ABCB8: variants seen among roughly 807,000 people sequenced by gnomAD.
The protein encoded by ABCB8 is ATP binding cassette subfamily B member 8, also known as mitochondrial potassium channel ATP-binding subunit.
A neutral mutation model predicts 73.0 loss-of-function variants in ABCB8; 52 were observed. The observed-to-expected ratio is 0.71, with a 90% confidence interval of 0.57 to 0.90. The LOEUF (loss-of-function observed/expected upper bound fraction) is 0.90, where lower values mean the gene tolerates loss of function less well. Among genes scored for constraint, ABCB8 ranks in the 40% least tolerant of loss-of-function variants. ABCB8 has a pLI of 0.00. For missense variants in ABCB8, 909 were observed against 974.6 expected (o/e 0.93, Z 0.90); for synonymous variants, 428 against 423.5 (o/e 1.01, Z -0.13).
chr7:151,043,182 CTGCAGG>C (rs1018020842), intron 14 of ABCB8, among the ~76,000 whole-genome samples: 6 of 152,220 alleles, frequency 3.9e-5, no homozygotes, highest in Non-Finnish European at 5.9e-5. Context: ...TGGCTTGGAA[CTGCAGG>C]CACAGGGCAG....
intron 1 of ABCB8, among the ~76,000 whole-genome samples, chr7:151,030,620 C>A (rs549950403): frequency 6.6e-6 from 1 of 152,238 alleles, no homozygotes; most frequent in South Asian, 2.1e-4. Flanking sequence ...GAGTTCAAGA[C>A]CAGCCCGGCC....
intron 7 of ABCB8, 36 bp downstream of exon 7, chr7:151,036,003 GC>G (rs980423131): frequency 6.2e-7 from 1 of 1,612,920 alleles, no homozygotes; most frequent in African/African-American, 1.3e-5. Context: ...AAGCAGAGAT[GC>G]CCCCCACACC....
chr7:151,041,889 G>A, intron 13 of ABCB8, 72 bp from the exon 14 acceptor site: 1 of 1,548,250 alleles, frequency 6.5e-7, no homozygotes, highest in African/African-American at 1.4e-5. Context: ...CATTGTGTAT[G>A]GTGGCCCCTC....
In ABCB8 at chr7:151,047,309, C is replaced by G. The variant is rs564960194; in HGVS notation, c.*1960C>G. On this transcript the variant is annotated 3_prime_UTR_variant, in exon 16 of 16. Coordinates refer to ENST00000358849, the MANE Select transcript of ABCB8 (RefSeq NM_007188.5). ...GTCTTCCTAACCTCGCCTCGGCCTT[C>G]GCTCCACAGTGGAGAGTGGGAGCCT... The G allele has an allele frequency of 6.6e-6, 1 of 152,260 alleles. No homozygotes were observed. Among genetic ancestry groups the G allele is most frequent in the East Asian group, 1.9e-4 (1 of 5,202 alleles). The allele number at this position is 152,260 out of a possible 1,614,324, so 9.4% of individuals were successfully genotyped here.
chr7:151,044,120 C>A lies in ABCB8; in HGVS notation c.1915C>A (p.Arg639=), dbSNP rs148536036. ...GCGGGTTGTACAGGAGGCCCTGGAC[C>A]GGGCCAGTGCAGGCCGCACGGTGCT... ...SERVVQEALD[R]ASAGRTVLVI... is the part of the protein sequence containing the mutation. The change falls in exon 15 of 16, where the codon CGG becomes AGG. Residue 639 remains arginine (R), a synonymous_variant. Transcript: ENST00000358849. The A allele has an allele frequency of 1.1e-5, 17 of 1,613,810 alleles. No individual in the cohort carries two copies. Among genetic ancestry groups the A allele is most frequent in the Non-Finnish European group, 1.2e-5 (14 of 1,179,976 alleles).
At chr7:151,037,061 C>G (rs899474021) in intron 9 of ABCB8, 6 of 691,876 alleles carry the variant, frequency 8.7e-6, no homozygotes, top group Non-Finnish European at 1.6e-5. Context: ...AGAACTCTTA[C>G]CTGGCAGAGC....
Position 151,028,466 on chromosome 7 carries a change from G to A in ABCB8, c.-50G>A, listed in dbSNP as rs1208108595. On this transcript the variant is annotated 5_prime_UTR_variant, in exon 1 of 16. Coordinates refer to ENST00000358849, the MANE Select transcript of ABCB8 (RefSeq NM_007188.5). Reference sequence around the variant, plus strand: ...GGAGCCAACATAGAGCCCTCAGTGGGATGAGGGTGAAACTGCTATTGCCGG... The same window carrying A: ...GGAGCCAACATAGAGCCCTCAGTGGAATGAGGGTGAAACTGCTATTGCCGG... The A allele has an allele frequency of 2.5e-6, 4 of 1,574,166 alleles. No homozygotes were observed. The highest frequency in any genetic ancestry group is 1.4e-5 in the African/African-American group (1 of 74,060).
At chr7:151,030,266 A>G (rs1249516475) in intron 1 of ABCB8, among the ~76,000 whole-genome samples, 2 of 152,284 alleles carry the variant, frequency 1.3e-5, no homozygotes, top group East Asian at 3.8e-4. Context: ...CTGTAATCCC[A>G]GCACTTTGGG....
intron 5 of ABCB8, 36 bp from the exon 6 acceptor site, chr7:151,035,545 A>C: frequency 6.4e-7 from 1 of 1,554,136 alleles, no homozygotes; most frequent in Non-Finnish European, 8.7e-7. Context: ...CATGGTGCGG[A>C]CGCCGTAGCC....
chr7:151,044,733 A>C (rs1425127788), intron 15 of ABCB8, among the ~76,000 whole-genome samples: 1 of 152,172 alleles, frequency 6.6e-6, no homozygotes, highest in African/African-American at 2.4e-5. Context: ...TCAGAATGAG[A>C]CCCTGTCTCA....
intron 7 of ABCB8, 36 bp from the exon 8 acceptor site, chr7:151,036,037 C>T (rs1796299240): frequency 6.2e-7 from 1 of 1,612,802 alleles, no homozygotes; most frequent in Admixed American, 1.7e-5. Flanking sequence ...CGTGCCAGCC[C>T]AGCTGCCTCC....
At chr7:151,043,880 T>C (rs919969776) in intron 14 of ABCB8, 91 bp from the exon 15 acceptor site, 70 of 1,554,064 alleles carry the variant, frequency 4.5e-5, no homozygotes, top group Non-Finnish European at 6.0e-5. Context: ...TTAGAGGATC[T>C]TGATGGGCGT....
chr7:151,041,137 G>A lies in ABCB8; in HGVS notation c.1522G>A (p.Asp508Asn), dbSNP rs747784375. The A allele has an allele frequency of 1.1e-5, 18 of 1,612,868 alleles. No homozygotes were observed. The highest frequency in any genetic ancestry group is 2.2e-5 in the East Asian group (1 of 44,830). The change falls in exon 13 of 16, where the codon GAC becomes AAC. Residue 508 changes from aspartate (D) to asparagine (N), a missense_variant. Coordinates refer to ENST00000358849, the MANE Select transcript of ABCB8 (RefSeq NM_007188.5). ...GGCTTCCCTGCTGGAGCGCTTCTAC[G>A]ACCCCACGGCAGGCGTGGTGATGCT... is the stretch of plus-strand genomic sequence containing the variant. ...TVASLLERFY[D>N]PTAGVVMLDG...
intron 12 of ABCB8, 82 bp from the exon 13 acceptor site, chr7:151,041,016 TC>T: frequency 6.2e-7 from 1 of 1,608,964 alleles, no homozygotes; most frequent in East Asian, 2.2e-5. Flanking sequence ...TGGGGTCCCT[TC>T]CTCCACTGCC....
At chr7:151,030,232 T>C (rs569828181) in intron 1 of ABCB8, among the ~76,000 whole-genome samples, 19 of 152,346 alleles carry the variant, frequency 1.2e-4, no homozygotes, top group Non-Finnish European at 1.9e-4. Flanking sequence ...AAAGTAAATA[T>C]AGGCTGGGCA....
chr7:151,028,998 G>A (rs957344800), intron 1 of ABCB8: 2 of 1,218,870 alleles, frequency 1.6e-6, no homozygotes, highest in Non-Finnish European at 1.0e-6. Flanking sequence ...GTGAGTCGAA[G>A]AAGAACTAGA....
rs1164419043 is a variant in ABCB8, at chr7:151,044,297, G to A, written c.2016+76G>A. On this transcript the variant is annotated intron_variant, in intron 15 of 15. Transcript: ENST00000358849. ...GGACAGTGGCACAATGCTGCAATGA[G>A]TTATATGAAGTTGTGGCCTGGCCCC... 5.2e-6 allele frequency: 8 copies of A among 1,548,514 alleles called. No individual in the cohort carries two copies. The East Asian group carries it at 1.8e-4, about 35-fold the overall frequency.
At chr7:151,029,608 G>A (rs1220034659) in intron 1 of ABCB8, 1 of 149,950 alleles carries the variant, frequency 6.7e-6, no homozygotes, top group African/African-American at 2.5e-5. Context: ...CTGGGTTCAA[G>A]CAATTCTCAT....
chr7:151,040,156 T>G, intron 9 of ABCB8, 112 bp from the exon 10 acceptor site: 1 of 1,279,128 alleles, frequency 7.8e-7, no homozygotes, highest in Non-Finnish European at 1.1e-6. Flanking sequence ...AGTCTCTGCA[T>G]TTGGCCACAG....
Sources: allele counts gnomAD v4.1 joint callset (sites outside exome capture counted in the v4.1 genomes callset), GRCh38; gene constraint gnomAD v4.1.1; transcripts MANE v1.5; gene names NCBI Gene and HGNC (gene_info 2026-07-23, HGNC 2026-07-21).